Variants in SSH1 observed in about 807,000 individuals in gnomAD.
The protein encoded by SSH1 is protein phosphatase Slingshot homolog 1.
In SSH1, 43 loss-of-function variants were observed where a neutral mutation model predicts 79.7. That is an observed-to-expected ratio of 0.54 (90% CI 0.42 to 0.70). The LOEUF (loss-of-function observed/expected upper bound fraction) is 0.70, where lower values mean the gene tolerates loss of function less well. Ranked by LOEUF, SSH1 falls within the 30% of genes least tolerant of loss-of-function variation. The probability of loss-of-function intolerance (pLI) is 0.00; values close to 1 mark genes in which losing one functional copy is unlikely to be tolerated. For missense variants in SSH1, 1,206 were observed against 1,358.8 expected (o/e 0.89, Z 1.77); for synonymous variants, 599 against 538.3 (o/e 1.11, Z -1.56).
intron 4 of SSH1, among the ~76,000 whole-genome samples, chr12:108,817,928 G>A (rs534801682): frequency 9.9e-5 from 15 of 152,264 alleles, no homozygotes; most frequent in South Asian, 4.1e-4. Flanking sequence ...GGCTGGGCAC[G>A]GTGGCTTACA....
chr12:108,800,726 T>C (rs1465907159), intron 12 of SSH1, 54 bp downstream of exon 12: 59 of 1,601,654 alleles, frequency 3.7e-5, no homozygotes, highest in South Asian at 3.3e-4. Context: ...ATTCCCACTC[T>C]CCCAGCCTCA....
In SSH1 at chr12:108,790,397, G is replaced by A. The variant is rs376570096; in HGVS notation, c.1894-1153C>T. 2.8e-4 allele frequency among the ~76,000 whole-genome samples: 43 copies of A among 152,246 alleles called. No homozygotes were observed. In the East Asian group the frequency reaches 3.5e-3, roughly 12 times the overall value. On this transcript the variant is annotated intron_variant, in intron 14 of 14. Transcript: ENST00000326495. ...ACTCCTGACCTCAGATGATCTGCCCGCCTCAGCCTCTCAAAGTGCTGGGAT... is the reference window on the plus strand; with the variant it reads ...ACTCCTGACCTCAGATGATCTGCCCACCTCAGCCTCTCAAAGTGCTGGGAT...
intron 3 of SSH1, among the ~76,000 whole-genome samples, chr12:108,821,931 T>C (rs1018537876): frequency 6.6e-6 from 1 of 152,228 alleles, no homozygotes; most frequent in Non-Finnish European, 1.5e-5. Flanking sequence ...TTTCACCTGC[T>C]GCTGTTCTGA....
intron 2 of SSH1, among the ~76,000 whole-genome samples, chr12:108,852,316 C>T (rs925520764): frequency 2.0e-5 from 3 of 151,298 alleles, no homozygotes; most frequent in South Asian, 4.2e-4. Context: ...GCTCACTCTG[C>T]CTCCCGGGTT....
At chr12:108,802,249 C>T in intron 11 of SSH1, 73 bp downstream of exon 11, 6 of 1,411,050 alleles carry the variant, frequency 4.3e-6, no homozygotes, top group Non-Finnish European at 6.0e-6. Context: ...CCCAAGGTCT[C>T]CCCCTCCATG....
chr12:108,806,510 C>A lies in SSH1; in HGVS notation c.732-116G>T, dbSNP rs912359223. ...AGAACACGGCTTGGCAAGGAGAGCA[C>A]GCTTCTTGGTGTGCATGTTCTCAGG... On this transcript the variant is annotated intron_variant, in intron 8 of 14. Coordinates refer to ENST00000326495, the MANE Select transcript of SSH1 (RefSeq NM_018984.4). 10 of 917,064 alleles carry A rather than the reference C, an allele frequency of 1.1e-5. 1 individual carries two copies. In the South Asian group the frequency reaches 1.3e-4, roughly 12 times the overall value. 56.8% of individuals were successfully genotyped at this position (917,064 alleles called of 1,614,324 possible).
intron 10 of SSH1, 77 bp downstream of exon 10, chr12:108,804,979 C>CT: frequency 6.4e-7 from 1 of 1,570,054 alleles, no homozygotes; most frequent in East Asian, 2.3e-5. Context: ...TTCTCCCGGA[C>CT]TTGCTACAAA....
intron 2 of SSH1, among the ~76,000 whole-genome samples, chr12:108,830,011 T>A (rs2038434725): frequency 6.6e-6 from 1 of 151,844 alleles, no homozygotes; most frequent in East Asian, 1.9e-4. Flanking sequence ...GAGGCTGAGG[T>A]GGGAGAATCA....
intron 5 of SSH1, among the ~76,000 whole-genome samples, chr12:108,812,150 C>T (rs1196566961): frequency 6.6e-6 from 1 of 152,224 alleles, no homozygotes; most frequent in Non-Finnish European, 1.5e-5. Flanking sequence ...GAAGGTTGTT[C>T]CAAGCCCTTC....
chr12:108,849,842 G>T (rs2038978232), intron 2 of SSH1, among the ~76,000 whole-genome samples: 1 of 112,410 alleles, frequency 8.9e-6, no homozygotes, highest in African/African-American at 3.6e-5. Context: ...AGGAGGCATG[G>T]GGGAGGGGAC....
intron 1 of SSH1, chr12:108,853,415 C>G (rs1319730574): frequency 1.8e-5 from 17 of 919,380 alleles, no homozygotes; most frequent in Non-Finnish European, 2.2e-5. Context: ...AACTCCGCAC[C>G]GCTGGGACTT....
chr12:108,827,442 G>A, intron 2 of SSH1: 1 of 1,313,518 alleles, frequency 7.6e-7, no homozygotes, highest in Non-Finnish European at 9.8e-7. Context: ...CCAGGAGGCT[G>A]CCGAGTGCTT....
At chr12:108,803,610 T>C (rs1375507519) in intron 10 of SSH1, among the ~76,000 whole-genome samples, 1 of 152,156 alleles carries the variant, frequency 6.6e-6, no homozygotes, top group African/African-American at 2.4e-5. Flanking sequence ...GTATCTCTCA[T>C]GGAAAAAGTG....
chr12:108,792,335 G>C lies in SSH1; in HGVS notation c.1844C>G (p.Ser615Trp), dbSNP rs747534856. The change falls in exon 14 of 15, where the codon TCG becomes TGG. Residue 615 changes from serine (S) to tryptophan (W), a missense_variant. Around this residue, in one of 5 missense-constraint regions of SSH1, gnomAD observed 709 missense variants for 730.6 expected, o/e 0.97. Coordinates refer to ENST00000326495, the MANE Select transcript of SSH1 (RefSeq NM_018984.4). ...CTTGCTGTTGTTGTTTAGGTTCTCCGAGTTGAGCAGGTTTTGATCGAGCTG... is the reference window on the plus strand; with the variant it reads ...CTTGCTGTTGTTGTTTAGGTTCTCCCAGTTGAGCAGGTTTTGATCGAGCTG... ...PTQLDQNLLN[S>W]ENLNNNSKRS... is the part of the protein sequence containing the mutation. 1.2e-6 allele frequency: 2 copies of C among 1,614,046 alleles called. No individual in the cohort carries two copies. The highest frequency in any genetic ancestry group is 2.2e-5 in the East Asian group (1 of 44,900).
chr12:108,793,855 T>C (rs544885035), intron 13 of SSH1, among the ~76,000 whole-genome samples: 77 of 152,310 alleles, frequency 5.1e-4, no homozygotes, highest in African/African-American at 1.8e-3. Flanking sequence ...ACAGAGCCAT[T>C]CATCCTCTCT....
chr12:108,788,261 C>G lies in SSH1; in HGVS notation c.2877G>C (p.Glu959Asp). The G allele has an allele frequency of 6.2e-7, 1 of 1,613,848 alleles. No homozygotes were observed. The highest frequency in any genetic ancestry group is 1.1e-5 in the South Asian group (1 of 91,078). ...TGAGGCCCGCCAGCCGGAGCCGGGT[C>G]TCAATCTCCTGTGTCCGCTGCTTCA... ...GLVKQRTQEIETRLRLAGLTV... is the reference protein window; with the variant it reads ...GLVKQRTQEIDTRLRLAGLTV... Residue 959 changes from glutamate to aspartate, a missense_variant, in exon 15 of 15, where the codon GAG becomes GAC. By Grantham distance (45) the Glu-to-Asp change is conservative. This residue lies in a region of SSH1 where 709 missense variants were observed against 730.6 expected (regional missense o/e 0.97). Transcript: ENST00000326495.
At chr12:108,828,627 CTG>C (rs555686160) in intron 2 of SSH1, among the ~76,000 whole-genome samples, 2 of 152,176 alleles carry the variant, frequency 1.3e-5, no homozygotes, top group African/African-American at 2.4e-5. Context: ...GAAGACGAGA[CTG>C]TGCCGGGGTT....
intron 2 of SSH1, among the ~76,000 whole-genome samples, chr12:108,829,099 G>C (rs1298624794): frequency 1.3e-5 from 2 of 152,152 alleles, no homozygotes; most frequent in African/African-American, 4.8e-5. Flanking sequence ...AGGCTGAGAT[G>C]GGTGGATCAT....
chr12:108,815,437 C>T (rs561147127), intron 5 of SSH1, among the ~76,000 whole-genome samples: 12 of 152,310 alleles, frequency 7.9e-5, no homozygotes, highest in East Asian at 1.9e-4. Flanking sequence ...GATTTCCGTT[C>T]GGGATCAGAA....
Sources: allele counts gnomAD v4.1 joint callset (sites outside exome capture counted in the v4.1 genomes callset), GRCh38; gene constraint gnomAD v4.1.1; regional missense constraint gnomAD v4.1.1; transcripts MANE v1.5; gene names NCBI Gene and HGNC (gene_info 2026-07-23, HGNC 2026-07-21).